The following TULP4 variants were observed in gnomAD, a reference collection of about 807,000 sequenced individuals.
TULP4 encodes the protein TUB like protein 4.
Under a neutral mutation model 129.0 loss-of-function variants are expected in TULP4, and 16 were observed. That is an observed-to-expected ratio of 0.12 (90% CI 0.08 to 0.19). TULP4 has a LOEUF of 0.19. TULP4 is among the 10% of genes least tolerant of loss of function. The probability of loss-of-function intolerance (pLI) is 1.00; values close to 1 mark genes in which losing one functional copy is unlikely to be tolerated. For synonymous variants in TULP4, 998 were observed against 854.0 expected (o/e 1.17, Z -2.94); for missense variants, 1,842 against 2,059.1 (o/e 0.89, Z 2.04).
intron 1 of TULP4, among the ~76,000 whole-genome samples, chr6:158,299,531 C>T (rs999020274): frequency 1.3e-5 from 2 of 152,164 alleles, no homozygotes; most frequent in African/African-American, 2.4e-5. Context: ...TCCCCATTCC[C>T]TTGTGGCTGA....
chr6:158,243,572 T>G (rs1460857999), intron 1 of TULP4, among the ~76,000 whole-genome samples: 2 of 152,078 alleles, frequency 1.3e-5, no homozygotes, highest in African/African-American at 4.8e-5. Context: ...TTGCAACTCT[T>G]TATTGAAGAA....
intron 9 of TULP4, among the ~76,000 whole-genome samples, chr6:158,490,169 G>A (rs762947035): frequency 2.0e-5 from 3 of 152,208 alleles, no homozygotes; most frequent in Non-Finnish European, 4.4e-5. Flanking sequence ...CGGCCGAGGC[G>A]GGTGGATCAC....
rs773913477 is a variant in TULP4, at chr6:158,502,925, T to C, written c.3262T>C (p.Phe1088Leu). The C allele has an allele frequency of 6.2e-7, 1 of 1,613,864 alleles. No individual in the cohort carries two copies. The highest frequency in any genetic ancestry group is 1.3e-5 in the African/African-American group (1 of 74,884). ...RDRTDYVNSA[F>L]TEDEALSQHC... ...CCGCACCGACTACGTCAACTCGGCC[T>C]TCACGGAGGACGAGGCCCTGTCCCA... Residue 1088 changes from phenylalanine (F) to leucine (L), a missense_variant, in exon 13 of 14, where the codon TTC becomes CTC. Transcript: ENST00000367097.
intron 6 of TULP4, among the ~76,000 whole-genome samples, chr6:158,473,945 G>A (rs1221124764): frequency 1.3e-5 from 2 of 152,024 alleles, no homozygotes; most frequent in Non-Finnish European, 2.9e-5. Flanking sequence ...AGCCTCCCAA[G>A]TAGCTAGGAC....
chr6:158,287,908 T>A (rs57756309), intron 1 of TULP4, among the ~76,000 whole-genome samples: 20,252 of 152,158 alleles, frequency 0.13, 1,712 homozygotes, highest in African/African-American at 0.23. Context: ...CCAGTGAATG[T>A]GACCAAGTGA....
chr6:158,452,385 G>A (rs1329833300), intron 5 of TULP4, 117 bp downstream of exon 5: 1 of 1,365,396 alleles, frequency 7.3e-7, no homozygotes, highest in African/African-American at 1.5e-5. Flanking sequence ...GACACCTTCT[G>A]GGCTTCATGG....
chr6:158,498,903 G>A, intron 12 of TULP4, 91 bp downstream of exon 12: 1 of 1,503,676 alleles, frequency 6.7e-7, no homozygotes, highest in Non-Finnish European at 9.1e-7. Flanking sequence ...GAGGATTTCA[G>A]TCTGCTACCT....
intron 1 of TULP4, among the ~76,000 whole-genome samples, chr6:158,269,931 C>A (rs1195162801): frequency 6.6e-6 from 1 of 152,186 alleles, no homozygotes; most frequent in Non-Finnish European, 1.5e-5. Flanking sequence ...CAGGGTTGCT[C>A]CCTTTATTCC....
At chr6:158,462,404 C>T (rs1221565243) in intron 6 of TULP4, among the ~76,000 whole-genome samples, 6 of 142,418 alleles carry the variant, frequency 4.2e-5, no homozygotes, top group African/African-American at 1.0e-4. Flanking sequence ...TTTTTTGAGA[C>T]GCTTTCTCAC....
At chr6:158,488,728 T>A (rs1780124084) in intron 8 of TULP4, among the ~76,000 whole-genome samples, 1 of 152,052 alleles carries the variant, frequency 6.6e-6, no homozygotes, top group African/African-American at 2.4e-5. Context: ...GCAATGAGAT[T>A]TTCATCAGAA....
chr6:158,327,556 C>T (rs893042869), intron 1 of TULP4, among the ~76,000 whole-genome samples: 13 of 152,168 alleles, frequency 8.5e-5, no homozygotes, highest in Admixed American at 6.5e-5. Flanking sequence ...TATTTCAGAG[C>T]CATGATGGTT....
At chr6:158,349,011 ACTTCC>A in intron 1 of TULP4, among the ~76,000 whole-genome samples, 1 of 64,500 alleles carries the variant, frequency 1.6e-5, no homozygotes, top group African/African-American at 6.6e-5. Context: ...GGCGCTCCTC[ACTTCC>A]CAGACGGGGC....
At chr6:158,387,858 T>G (rs1036948466) in intron 1 of TULP4, among the ~76,000 whole-genome samples, 1 of 152,234 alleles carries the variant, frequency 6.6e-6, no homozygotes, top group African/African-American at 2.4e-5. Context: ...AAGATTATTA[T>G]CTCTAATTTT....
upstream of TULP4, among the ~76,000 whole-genome samples, chr6:158,308,909 A>G (rs1583727298): frequency 7.6e-6 from 1 of 131,474 alleles, no homozygotes; most frequent in Non-Finnish European, 1.6e-5. Context: ...TCCCTCCCGG[A>G]CGGGGCGGCT....
intron 1 of TULP4, among the ~76,000 whole-genome samples, chr6:158,406,753 A>T (rs705947): frequency 0.69 from 104,877 of 152,060 alleles, 36,733 homozygotes; most frequent in Middle Eastern, 0.76. Flanking sequence ...TGTGGAGTTC[A>T]CTTTTTCCTA....
At position 158,385,842 on chromosome 6, in the gene TULP4, C is replaced by T. The variant is rs200054687; in HGVS notation, c.253-27223C>T. Among the ~76,000 whole-genome samples the T allele has an allele frequency of 5.3e-3, 318 of 59,514 alleles. 2 individuals are homozygous for T. Among genetic ancestry groups the T allele is most frequent in the South Asian group, 9.5e-3 (11 of 1,162 alleles). The allele number at this position is 59,514 out of a possible 152,430, so 39.0% of individuals were successfully genotyped here. ...GGAAAAGTCTACAAATGTGGAATAT[C>T]TTTTTTTTTTTTTTTTTTTTGAGAA... is the stretch of plus-strand genomic sequence containing the variant. On this transcript the variant is annotated intron_variant, in intron 1 of 13. Coordinates refer to ENST00000367097, the MANE Select transcript of TULP4 (RefSeq NM_020245.5).
At chr6:158,363,039 G>A (rs1780834575) in intron 1 of TULP4, among the ~76,000 whole-genome samples, 1 of 149,042 alleles carries the variant, frequency 6.7e-6, no homozygotes, top group South Asian at 2.2e-4. Context: ...TCTAGCCTGG[G>A]GGGACAGAGC....
intron 1 of TULP4, among the ~76,000 whole-genome samples, chr6:158,395,999 A>G (rs1486833102): frequency 6.6e-6 from 1 of 152,132 alleles, no homozygotes; most frequent in Non-Finnish European, 1.5e-5. Flanking sequence ...TGAGCTCTTG[A>G]CCCAGATTGC....
At chr6:158,433,172 G>A (rs1407950776) in intron 3 of TULP4, among the ~76,000 whole-genome samples, 2 of 152,080 alleles carry the variant, frequency 1.3e-5, no homozygotes, top group Non-Finnish European at 2.9e-5. Context: ...TTTTTCATGA[G>A]GTCAGTGTGG....
Sources: gnomAD v4.1 joint callset for allele counts (sites outside exome capture counted in the v4.1 genomes callset) on GRCh38, gnomAD v4.1.1 for gene constraint, MANE v1.5 for transcripts, NCBI Gene and HGNC (gene_info 2026-07-23, HGNC 2026-07-21) for gene names.